DOCK8: variants seen among roughly 807,000 people sequenced by gnomAD.
DOCK8 encodes the protein dedicator of cytokinesis protein 8.
Under a neutral mutation model 245.6 loss-of-function variants are expected in DOCK8, and 141 were observed. The observed-to-expected ratio is 0.57, with a 90% CI of 0.50 to 0.66. The LOEUF (loss-of-function observed/expected upper bound fraction) is 0.66. Ranked by LOEUF, DOCK8 falls within the 30% of genes least tolerant of loss-of-function variation. The pLI is 0.00. For missense variants in DOCK8, 2,965 were observed against 2,603.4 expected (o/e 1.14, Z -3.02); for synonymous variants, 1,168 against 970.2 (o/e 1.20, Z -3.79).
chr9:236,982 A>G (rs991092003), intron 1 of DOCK8, among the ~76,000 whole-genome samples: 1 of 152,226 alleles, frequency 6.6e-6, no homozygotes, highest in Non-Finnish European at 1.5e-5. Flanking sequence ...TCAATCTGCA[A>G]GGAGGGCTGG....
chr9:291,471 C>T (rs916970436), intron 4 of DOCK8, among the ~76,000 whole-genome samples: 2 of 152,088 alleles, frequency 1.3e-5, no homozygotes, highest in African/African-American at 2.4e-5. Context: ...ATTATAATAT[C>T]ATTTTTGTAA....
At position 327,101 on chromosome 9, in the gene DOCK8, C is replaced by G. The variant is rs575700628; in HGVS notation, c.895-921C>G. Among the ~76,000 whole-genome samples the G allele has an allele frequency of 6.6e-5, 10 of 152,320 alleles. No homozygotes were observed. The South Asian group carries it at 1.9e-3, about 28-fold the overall frequency. ...CCTCTACCTTCTTTCCATCCATAGT[C>G]TATGCAGAGTCAAGCTAGACCGCTG... On this transcript the variant is annotated intron_variant, in intron 8 of 47. Transcript: ENST00000432829.
At chr9:279,175 T>C (rs890706135) in intron 2 of DOCK8, among the ~76,000 whole-genome samples, 3 of 152,210 alleles carry the variant, frequency 2.0e-5, no homozygotes, top group African/African-American at 7.2e-5. Flanking sequence ...ATTGGTGGAC[T>C]GGAATTGCCA....
At chr9:403,978 G>GTATATATATATATGTGTA (rs1586931667) in intron 26 of DOCK8, among the ~76,000 whole-genome samples, 1 of 65,212 alleles carries the variant, frequency 1.5e-5, no homozygotes, top group Non-Finnish European at 2.5e-5. Flanking sequence ...ATATATATGT[G>GTATATATATATATGTGTA]TATATATATA....
chr9:236,496 C>G (rs1435764269), intron 1 of DOCK8, among the ~76,000 whole-genome samples: 1 of 152,170 alleles, frequency 6.6e-6, no homozygotes, highest in African/African-American at 2.4e-5. Flanking sequence ...TCTACACAGC[C>G]TCCAACAATT....
At position 443,350 on chromosome 9, in the gene DOCK8, T is replaced by G. The variant is rs967021850; in HGVS notation, c.5491-77T>G. On this transcript the variant is annotated intron_variant, in intron 42 of 47. Transcript: ENST00000432829. ...ATTCTACCTTGCACTTGCTCCAAACTTATTTCACTTCCAAGAAGACAAAGA... is the reference window on the plus strand; with the variant it reads ...ATTCTACCTTGCACTTGCTCCAAACGTATTTCACTTCCAAGAAGACAAAGA... 6.4e-6 allele frequency: 9 copies of G among 1,416,832 alleles called. No individual in the cohort carries two copies. In the African/African-American group the frequency reaches 1.3e-4, roughly 20 times the overall value. The allele number at this position is 1,416,832 out of a possible 1,614,324, so 87.8% of individuals were successfully genotyped here.
chr9:305,512 C>G (rs910812423), intron 5 of DOCK8, among the ~76,000 whole-genome samples: 1 of 152,166 alleles, frequency 6.6e-6, no homozygotes, highest in African/African-American at 2.4e-5. Context: ...GTCCTGATCT[C>G]CTGACCTTGT....
At chr9:286,724 TTAAAAA>T (rs1311434348) in intron 3 of DOCK8, 88 bp downstream of exon 3, 40 of 1,266,978 alleles carry the variant, frequency 3.2e-5, no homozygotes, top group Middle Eastern at 1.8e-4. Context: ...CAATCTGAAC[TTAAAAA>T]TAAAATAAAA....
chr9:395,449 T>C (rs1191196559), intron 24 of DOCK8, among the ~76,000 whole-genome samples: 2 of 152,186 alleles, frequency 1.3e-5, no homozygotes, highest in African/African-American at 4.8e-5. Context: ...CGTTCTCTCA[T>C]GTAGCTCCTG....
At chr9:230,781 A>C (rs945187841) in intron 1 of DOCK8, among the ~76,000 whole-genome samples, 3 of 151,912 alleles carry the variant, frequency 2.0e-5, no homozygotes, top group Non-Finnish European at 4.4e-5. Context: ...GTTTGAGTTC[A>C]TTGTAGATTC....
intron 25 of DOCK8, 39 bp from the exon 26 acceptor site, chr9:399,107 T>C (rs766321773): frequency 1.0e-5 from 16 of 1,582,088 alleles, no homozygotes; most frequent in Non-Finnish European, 1.4e-5. Flanking sequence ...AAATCCAGAG[T>C]GTCCCACAAA....
chr9:449,862 G>T lies in DOCK8; in HGVS notation c.5896G>T (p.Glu1966Ter). The T allele has an allele frequency of 6.2e-7, 1 of 1,613,756 alleles. No individual in the cohort carries two copies. Among genetic ancestry groups the T allele is most frequent in the Non-Finnish European group, 8.5e-7 (1 of 1,180,032 alleles). The change falls in exon 45 of 48, where the codon GAG (glutamate) becomes TAG (stop). Residue 1966 changes from glutamate (E) to a stop codon, truncating the protein, a stop_gained. Coordinates refer to ENST00000432829, the MANE Select transcript of DOCK8 (RefSeq NM_203447.4). LOFTEE classifies it high-confidence loss of function. ...GCAGTTAGCAGTTGCCATTAACCAGGAGCCGCCTGATGCAAAGATGCTTCA... is the reference window on the plus strand; with the variant it reads ...GCAGTTAGCAGTTGCCATTAACCAGTAGCCGCCTGATGCAAAGATGCTTCA... The part of the protein sequence containing the change: ...TLQLAVAINQ[E>*]PPDAKMLQMV...
At chr9:317,270 A>G (rs2050388069) in intron 7 of DOCK8, 142 bp downstream of exon 7, 1 of 735,954 alleles carries the variant, frequency 1.4e-6, no homozygotes, top group South Asian at 1.5e-5. Context: ...AGTAGTAGAA[A>G]GGGCACGTTT....
chr9:236,257 G>A (rs1203193698), intron 1 of DOCK8, among the ~76,000 whole-genome samples: 3 of 152,164 alleles, frequency 2.0e-5, no homozygotes, highest in Non-Finnish European at 4.4e-5. Context: ...AAGAAGAAAG[G>A]AGGTAAAAAA....
chr9:346,280 C>G (rs974966134), intron 14 of DOCK8, among the ~76,000 whole-genome samples: 1 of 152,148 alleles, frequency 6.6e-6, no homozygotes, highest in Non-Finnish European at 1.5e-5. Flanking sequence ...CAACTCCTGG[C>G]TTATTTTCCA....
At chr9:216,112 T>G (rs2046745227) in intron 1 of DOCK8, among the ~76,000 whole-genome samples, 1 of 152,200 alleles carries the variant, frequency 6.6e-6, no homozygotes, top group Non-Finnish European at 1.5e-5. Context: ...CGATTTTATT[T>G]CCACTTGATA....
intron 26 of DOCK8, among the ~76,000 whole-genome samples, chr9:400,928 A>AT (rs1183950951): frequency 1.7e-5 from 1 of 57,380 alleles, no homozygotes; most frequent in Non-Finnish European, 2.7e-5. Context: ...CACCATCACC[A>AT]CAACATCCAC....
At chr9:458,872 G>C (rs1169181202) in intron 46 of DOCK8, among the ~76,000 whole-genome samples, 2 of 152,110 alleles carry the variant, frequency 1.3e-5, no homozygotes, top group East Asian at 3.9e-4. Context: ...TACTCTCTCT[G>C]TAGGAGACCT....
intron 1 of DOCK8, among the ~76,000 whole-genome samples, chr9:244,316 G>A (rs1246340543): frequency 1.3e-5 from 2 of 149,990 alleles, no homozygotes; most frequent in African/African-American, 2.5e-5. Context: ...ATACTGAAAC[G>A]AAACCATATC....
Sources: gnomAD v4.1 joint callset for allele counts (sites outside exome capture counted in the v4.1 genomes callset) on GRCh38, gnomAD v4.1.1 for gene constraint, MANE v1.5 for transcripts, NCBI Gene and HGNC (gene_info 2026-07-23, HGNC 2026-07-21) for gene names.